TFEB: variants seen among roughly 807,000 people sequenced by gnomAD.
TFEB encodes the protein transcription factor EB.
Under a neutral mutation model 48.0 loss-of-function variants are expected in TFEB, and 12 were observed. That is an observed-to-expected ratio of 0.25 (90% CI 0.16 to 0.40). TFEB has a LOEUF of 0.40. Among genes scored for constraint, TFEB ranks in the 10% least tolerant of loss-of-function variants. The probability of loss-of-function intolerance (pLI) is 1.00; values close to 1 mark genes in which losing one functional copy is unlikely to be tolerated. For synonymous variants in TFEB, 244 were observed against 261.4 expected, an observed-to-expected ratio of 0.93 and a Z score of 0.64; for missense variants, 509 against 640.3, an observed-to-expected ratio of 0.79 and a Z score of 2.21.
At position 41,730,382 on chromosome 6, in the gene TFEB, C is replaced by A. The variant is rs1771401862; in HGVS notation, c.-23+4968G>T. On this transcript the variant is annotated intron_variant, in intron 1 of 8. Transcript: ENST00000373033. The surrounding 1 kb of genome is among the most constrained non-coding windows in gnomAD (Gnocchi z 4.1). ...AGTCTGGTGGAATCCCTGGATTAATCCCTACAGCACCGCATCTTACTCTGG... is the reference window on the plus strand; with the variant it reads ...AGTCTGGTGGAATCCCTGGATTAATACCTACAGCACCGCATCTTACTCTGG... Among the ~76,000 whole-genome samples the A allele has an allele frequency of 6.6e-6, 1 of 152,190 alleles. No homozygotes were observed. The highest frequency in any genetic ancestry group is 1.5e-5 in the Non-Finnish European group (1 of 68,042).
At chr6:41,689,197 C>A (rs941166495) in intron 4 of TFEB, among the ~76,000 whole-genome samples, 1 of 152,278 alleles carries the variant, frequency 6.6e-6, no homozygotes, top group Admixed American at 6.5e-5. Flanking sequence ...TCCCCACCTG[C>A]TACCCCACCT....
intron 1 of TFEB, among the ~76,000 whole-genome samples, chr6:41,718,174 A>C (rs1346484754): frequency 2.0e-5 from 3 of 148,298 alleles, no homozygotes; most frequent in Non-Finnish European, 4.5e-5. Flanking sequence ...GAACATTTGA[A>C]TTTTGGGGGT....
chr6:41,733,783 G>T, intron 1 of TFEB: 1 of 985,350 alleles, frequency 1.0e-6, no homozygotes, highest in South Asian at 4.7e-5. Flanking sequence ...AGCTCCCTGA[G>T]GGGAGGGCCT....
rs1770661606 is a variant in TFEB, at chr6:41,714,788, C to T, written c.-23+20562G>A. Among the ~76,000 whole-genome samples the T allele has an allele frequency of 2.0e-5, 3 of 152,188 alleles. No homozygotes were observed. In the South Asian group the frequency reaches 6.2e-4, roughly 32 times the overall value. On this transcript the variant is annotated intron_variant, in intron 1 of 8. Coordinates refer to ENST00000373033, the MANE Select transcript of TFEB (RefSeq NM_001271944.2). ...CCTGGAGGCAGCCTCCTCTGCCCTC[C>T]ACACCCCAAGGGACTCCAGCCCTCA...
chr6:41,686,072 C>G lies in TFEB; in HGVS notation c.951+18G>C. 3 of 1,614,184 alleles carry G rather than the reference C, an allele frequency of 1.9e-6. No individual in the cohort carries two copies. The highest frequency in any genetic ancestry group is 2.5e-6 in the Non-Finnish European group (3 of 1,179,996). ...TAAGGGTCAGAGTTACCAAAGAAGT[C>G]CAAGTTCAGGACCAGACCTGGATAC... On this transcript the variant is annotated intron_variant, in intron 8 of 8. Coordinates refer to ENST00000373033, the MANE Select transcript of TFEB (RefSeq NM_001271944.2).
chr6:41,695,061 T>A (rs896563036), intron 1 of TFEB, among the ~76,000 whole-genome samples: 6 of 152,188 alleles, frequency 3.9e-5, no homozygotes, highest in Non-Finnish European at 7.3e-5. Context: ...ATGTCCAAAA[T>A]GAGTTCTGTA....
In TFEB at chr6:41,686,143, T is replaced by C. The variant is rs1768990786; in HGVS notation, c.898A>G (p.Asn300Asp). The C allele has an allele frequency of 6.2e-7, 1 of 1,614,116 alleles. No individual in the cohort carries two copies. Among genetic ancestry groups the C allele is most frequent in the Non-Finnish European group, 8.5e-7 (1 of 1,180,046 alleles). ...GTCATCTCCAGGCGGCGAGAGTGGT[T>C]CTCCAGCTCCCTGGACTTTTGCAGG... ...KDLQKSRELE[N>D]HSRRLEMTNK... The change falls in exon 8 of 9, where the codon AAC becomes GAC. Residue 300 changes from asparagine to aspartate, a missense_variant. Physicochemically the swap from Asn to Asp is conservative, Grantham distance 23. Transcript: ENST00000373033.
intron 1 of TFEB, among the ~76,000 whole-genome samples, chr6:41,693,499 G>A (rs1328935863): frequency 6.6e-6 from 1 of 152,104 alleles, no homozygotes; most frequent in Admixed American, 6.5e-5. Context: ...TGCTGGGGAG[G>A]AGAGGGTCTC....
intron 4 of TFEB, among the ~76,000 whole-genome samples, chr6:41,689,381 C>T (rs1204593777): frequency 6.6e-6 from 1 of 152,156 alleles, no homozygotes; most frequent in Admixed American, 6.5e-5. Context: ...ATTAGTTCCA[C>T]ACCTTCCCAT....
In TFEB at chr6:41,723,611, A is replaced by G; in HGVS notation, c.-23+11739T>C. ...TTTCTCACCCAGCCCCCTGCACCTC[A>G]GCTGGAGAGGAAGTTGCACAATCCC... is the stretch of plus-strand genomic sequence containing the variant. On this transcript the variant is annotated intron_variant, in intron 1 of 8. Coordinates refer to ENST00000373033, the MANE Select transcript of TFEB (RefSeq NM_001271944.2). The surrounding 1 kb of genome is among the most constrained non-coding windows in gnomAD (Gnocchi z 6.0). The G allele has an allele frequency of 8.7e-7, 1 of 1,144,602 alleles. No homozygotes were observed. Among genetic ancestry groups the G allele is most frequent in the Non-Finnish European group, 1.1e-6 (1 of 887,318 alleles). 70.9% of individuals were successfully genotyped at this position (1,144,602 alleles called of 1,614,324 possible).
chr6:41,712,182 C>T (rs1205169036), intron 1 of TFEB, among the ~76,000 whole-genome samples: 3 of 152,194 alleles, frequency 2.0e-5, no homozygotes, highest in Non-Finnish European at 4.4e-5. Flanking sequence ...CCACCAGCAC[C>T]ATCCTTGAAA....
chr6:41,727,407 G>A (rs917460249), intron 1 of TFEB, among the ~76,000 whole-genome samples: 3 of 152,154 alleles, frequency 2.0e-5, no homozygotes, highest in African/African-American at 7.2e-5. Flanking sequence ...AAAAAGGCTT[G>A]TGGCCAGGCA....
chr6:41,697,452 T>G (rs1769660043), intron 1 of TFEB, among the ~76,000 whole-genome samples: 2 of 143,738 alleles, frequency 1.4e-5, no homozygotes, highest in Non-Finnish European at 3.0e-5. Flanking sequence ...GTTAAATAGT[T>G]TAAAAGAAGA....
intron 1 of TFEB, among the ~76,000 whole-genome samples, chr6:41,710,293 C>A (rs1770421602): frequency 6.6e-6 from 1 of 152,190 alleles, no homozygotes; most frequent in African/African-American, 2.4e-5. Context: ...ACCATGTGGT[C>A]ATGCCATGCC....
intron 1 of TFEB, among the ~76,000 whole-genome samples, chr6:41,705,162 T>G (rs1770144158): frequency 6.6e-6 from 1 of 152,148 alleles, no homozygotes; most frequent in Non-Finnish European, 1.5e-5. Context: ...TTTGGGACAG[T>G]GTGTGCCTGG....
Position 41,723,323 on chromosome 6 carries a change from C to A in TFEB, c.-23+12027G>T. 1 of 515,510 alleles carries A rather than the reference C, an allele frequency of 1.9e-6. No individual in the cohort carries two copies. The highest frequency in any genetic ancestry group is 3.4e-6 in the Non-Finnish European group (1 of 298,028). 31.9% of individuals were successfully genotyped at this position (515,510 alleles called of 1,614,324 possible). A position where few individuals can be genotyped will look rare whatever the true frequency, so the allele number is the denominator to read the frequency against. On this transcript the variant is annotated intron_variant, in intron 1 of 8. Transcript: ENST00000373033. The surrounding 1 kb of genome is among the most constrained non-coding windows in gnomAD (Gnocchi z 6.0). ...GCCTGAGGGGCCTCATCCCTACCCA[C>A]CCACCTCCCCAAAGACACCACACGC...
chr6:41,688,127 A>T, intron 4 of TFEB, 99 bp from the exon 5 acceptor site: 1 of 1,435,294 alleles, frequency 7.0e-7, no homozygotes. Context: ...TCCTGGGGAC[A>T]CCTGGAGTGT....
At position 41,724,871 on chromosome 6, in the gene TFEB, G is replaced by A. The variant is rs1212894112; in HGVS notation, c.-23+10479C>T. 6.6e-5 allele frequency among the ~76,000 whole-genome samples: 10 copies of A among 152,166 alleles called. No homozygotes were observed. Among genetic ancestry groups the A allele is most frequent in the Non-Finnish European group, 1.3e-4 (9 of 68,028 alleles). The stretch of plus-strand genomic sequence containing the variant: ...ACGAACCAGGACTGAGGTTCACAGC[G>A]GTCACCTGATGCCTCCAGCTTGGTG... On this transcript the variant is annotated intron_variant, in intron 1 of 8. Coordinates refer to ENST00000373033, the MANE Select transcript of TFEB (RefSeq NM_001271944.2). This position sits in a 1 kb window ranked among gnomAD's most constrained non-coding sequence, Gnocchi z 4.4.
At chr6:41,687,320 G>A (rs1314868623) in intron 6 of TFEB, 151 bp from the exon 7 acceptor site, 2 of 718,532 alleles carry the variant, frequency 2.8e-6, no homozygotes, top group Non-Finnish European at 4.9e-6. Context: ...CAACAGATTG[G>A]GATTTCTACA....
Sources: gnomAD v4.1 joint callset for allele counts (sites outside exome capture counted in the v4.1 genomes callset) on GRCh38, gnomAD v4.1.1 for gene constraint, Gnocchi (gnomAD v3.1) non-coding constraint, MANE v1.5 for transcripts, NCBI Gene and HGNC (gene_info 2026-07-23, HGNC 2026-07-21) for gene names.